The following CTNNA3 variants were observed in gnomAD, a reference collection of about 807,000 sequenced individuals.
CTNNA3 encodes the protein catenin alpha 3.
In CTNNA3, 76 loss-of-function variants were observed where a neutral mutation model predicts 95.7. The ratio of observed to expected loss-of-function variants is 0.79; its 90% confidence interval spans 0.66 to 0.96. The LOEUF (loss-of-function observed/expected upper bound fraction) is 0.96. CTNNA3 is among the 40% of genes least tolerant of loss of function. The pLI is 0.00. For missense variants in CTNNA3, 1,191 were observed against 1,089.8 expected (o/e 1.09, Z -1.31); for synonymous variants, 431 against 374.4 (o/e 1.15, Z -1.74).
intron 5 of CTNNA3, among the ~76,000 whole-genome samples, chr10:67,477,549 G>T (rs1848066550): frequency 2.0e-5 from 3 of 152,120 alleles, no homozygotes; most frequent in South Asian, 4.1e-4. Context: ...TGCCAGTAAA[G>T]TGCAGCCCTA....
chr10:67,479,727 T>C (rs1054554963), intron 5 of CTNNA3, among the ~76,000 whole-genome samples: 14 of 150,946 alleles, frequency 9.3e-5, no homozygotes, highest in Non-Finnish European at 2.1e-4. Context: ...ATGAAAGAAA[T>C]AACCAAAATC....
At chr10:66,016,003 C>T (rs560986311) in intron 15 of CTNNA3, among the ~76,000 whole-genome samples, 17 of 152,196 alleles carry the variant, frequency 1.1e-4, no homozygotes, top group Non-Finnish European at 2.2e-4. Flanking sequence ...AATGCACAAA[C>T]AATGATTTAT....
chr10:66,890,329 C>A (rs542011498), intron 7 of CTNNA3, among the ~76,000 whole-genome samples: 1 of 147,726 alleles, frequency 6.8e-6, no homozygotes. Context: ...TGCAAGTGAA[C>A]GTAGGAAAAG....
chr10:67,183,652 C>G (rs1862692111), intron 6 of CTNNA3, among the ~76,000 whole-genome samples: 3 of 151,602 alleles, frequency 2.0e-5, no homozygotes, highest in South Asian at 4.2e-4. Flanking sequence ...AACTAACCTG[C>G]ATGTTGTACA....
chr10:66,622,512 G>A (rs1004892835), intron 9 of CTNNA3, among the ~76,000 whole-genome samples: 3 of 152,098 alleles, frequency 2.0e-5, no homozygotes, highest in African/African-American at 7.2e-5. Flanking sequence ...GAGCCATGAT[G>A]AAGAGTGAGA....
intron 9 of CTNNA3, among the ~76,000 whole-genome samples, chr10:66,678,812 G>T (rs1388964543): frequency 6.6e-6 from 1 of 152,074 alleles, no homozygotes; most frequent in Non-Finnish European, 1.5e-5. Flanking sequence ...ACTAAGGGGG[G>T]AAAAACATGT....
At chr10:67,267,214 C>T (rs2132406777) in intron 5 of CTNNA3, among the ~76,000 whole-genome samples, 1 of 152,252 alleles carries the variant, frequency 6.6e-6, no homozygotes, top group South Asian at 2.1e-4. Flanking sequence ...CCATTTTACA[C>T]TATGTGATTC....
intron 11 of CTNNA3, among the ~76,000 whole-genome samples, chr10:66,444,310 G>A (rs2093400542): frequency 6.6e-6 from 1 of 151,918 alleles, no homozygotes; most frequent in Non-Finnish European, 1.5e-5. Context: ...TTCAGATTCA[G>A]GAAATACAGA....
chr10:67,479,817 T>C (rs1848149711), intron 5 of CTNNA3, among the ~76,000 whole-genome samples: 1 of 151,882 alleles, frequency 6.6e-6, no homozygotes, highest in Non-Finnish European at 1.5e-5. Flanking sequence ...TTTGCAAGGA[T>C]AGACAAGATC....
intron 7 of CTNNA3, among the ~76,000 whole-genome samples, chr10:66,884,832 G>C (rs1844983967): frequency 6.6e-6 from 1 of 152,084 alleles, no homozygotes; most frequent in Non-Finnish European, 1.5e-5. Context: ...TAGAGTTTGG[G>C]CAATCCTGAA....
At chr10:66,109,892 T>G (rs556767540) in intron 13 of CTNNA3, among the ~76,000 whole-genome samples, 1 of 152,062 alleles carries the variant, frequency 6.6e-6, no homozygotes, top group Non-Finnish European at 1.5e-5. Context: ...CAAACTTGCT[T>G]GCAGCCTTTT....
intron 6 of CTNNA3, among the ~76,000 whole-genome samples, chr10:67,182,643 C>T (rs1356981580): frequency 6.6e-6 from 1 of 152,088 alleles, no homozygotes; most frequent in Non-Finnish European, 1.5e-5. Context: ...GACTTCATGT[C>T]TAAAACACCA....
intron 5 of CTNNA3, among the ~76,000 whole-genome samples, chr10:67,394,017 A>G (rs2132781563): frequency 6.6e-6 from 1 of 152,288 alleles, no homozygotes; most frequent in Non-Finnish European, 1.5e-5. Flanking sequence ...CTGGGGGCAA[A>G]GGATATAAAA....
At position 66,894,988 on chromosome 10, in the gene CTNNA3, A is replaced by AATCGGAAG. The variant is rs1159250366; in HGVS notation, c.1048-119465_1048-119464insCTTCCGAT. Among the ~76,000 whole-genome samples the AATCGGAAG allele has an allele frequency of 3.6e-3, 533 of 147,966 alleles. 2 individuals are homozygous for AATCGGAAG. Among genetic ancestry groups the AATCGGAAG allele is most frequent in the African/African-American group, 0.012 (505 of 40,640 alleles). ...TGAAAAATGAAGAAATTCACAATAA[A>AATCGGAAG]TTATATATATTTATATATAATTGTG... On this transcript the variant is annotated intron_variant, in intron 7 of 17. Coordinates refer to ENST00000433211, the MANE Select transcript of CTNNA3 (RefSeq NM_013266.4).
At chr10:66,578,574 T>C (rs1166633155) in intron 10 of CTNNA3, among the ~76,000 whole-genome samples, 4 of 152,048 alleles carry the variant, frequency 2.6e-5, no homozygotes, top group African/African-American at 4.8e-5. Context: ...ATTGAGATAA[T>C]GATGTGGTTT....
intron 7 of CTNNA3, among the ~76,000 whole-genome samples, chr10:66,812,492 TAAGTTTG>T (rs997557239): frequency 2.0e-5 from 3 of 152,168 alleles, no homozygotes; most frequent in Admixed American, 2.0e-4. Flanking sequence ...TTAGGCTGTA[TAAGTTTG>T]AATTCCAGCT....
At chr10:66,170,896 G>T (rs1486180430) in intron 13 of CTNNA3, among the ~76,000 whole-genome samples, 1 of 152,088 alleles carries the variant, frequency 6.6e-6, no homozygotes, top group Non-Finnish European at 1.5e-5. Context: ...CACTTTGGGA[G>T]GCCGAGGTGG....
chr10:67,362,392 G>A (rs1843021262), intron 5 of CTNNA3, among the ~76,000 whole-genome samples: 1 of 152,024 alleles, frequency 6.6e-6, no homozygotes, highest in African/African-American at 2.4e-5. Flanking sequence ...CTAGCAAACC[G>A]AATTCAGCAG....
intron 7 of CTNNA3, among the ~76,000 whole-genome samples, chr10:67,132,030 T>C (rs1860035434): frequency 6.6e-6 from 1 of 152,132 alleles, no homozygotes; most frequent in Non-Finnish European, 1.5e-5. Flanking sequence ...AGGATGGTAT[T>C]TGCAGTATTC....
Sources: allele counts gnomAD v4.1 joint callset (sites outside exome capture counted in the v4.1 genomes callset), GRCh38; gene constraint gnomAD v4.1.1; transcripts MANE v1.5; gene names NCBI Gene and HGNC (gene_info 2026-07-23, HGNC 2026-07-21).